Variants in IQSEC1 observed in about 807,000 individuals in gnomAD.
The protein encoded by IQSEC1 is IQ motif and SEC7 domain-containing protein 1.
Under a neutral mutation model 91.0 loss-of-function variants are expected in IQSEC1, and 31 were observed. The observed-to-expected ratio is 0.34, with a 90% CI of 0.26 to 0.46. IQSEC1 has a LOEUF of 0.46. Among genes scored for constraint, IQSEC1 ranks in the 20% least tolerant of loss-of-function variants. The pLI is 1.00. For synonymous variants in IQSEC1, 699 were observed against 662.6 expected, an observed-to-expected ratio of 1.05 and a Z score of -0.84; for missense variants, 1,388 against 1,575.6, an observed-to-expected ratio of 0.88 and a Z score of 2.02.
intron 1 of IQSEC1, among the ~76,000 whole-genome samples, chr3:13,051,480 G>C (rs146356659): frequency 1.9e-3 from 286 of 152,282 alleles, no homozygotes; most frequent in African/African-American, 6.4e-3. Context: ...CAGGGGCAGG[G>C]GCAGGGATCT....
intron 1 of IQSEC1, among the ~76,000 whole-genome samples, chr3:12,993,910 C>T (rs1193818676): frequency 6.6e-6 from 1 of 152,102 alleles, no homozygotes; most frequent in African/African-American, 2.4e-5. Flanking sequence ...CCCCGCGCGC[C>T]CCAGGTTCCC....
At chr3:13,039,388 C>T (rs1335860116) in intron 1 of IQSEC1, among the ~76,000 whole-genome samples, 1 of 152,254 alleles carries the variant, frequency 6.6e-6, no homozygotes, top group Non-Finnish European at 1.5e-5. Flanking sequence ...GAGCCTGGCA[C>T]ACCCTGTGTT....
intron 2 of IQSEC1, among the ~76,000 whole-genome samples, chr3:12,937,281 T>G (rs1219084231): frequency 1.3e-5 from 2 of 152,186 alleles, no homozygotes; most frequent in African/African-American, 2.4e-5. Context: ...GTGTCCCCAG[T>G]GTCTTGGGTC....
At chr3:12,927,757 G>A (rs978588190) in intron 3 of IQSEC1, among the ~76,000 whole-genome samples, 6 of 152,268 alleles carry the variant, frequency 3.9e-5, no homozygotes, top group African/African-American at 7.2e-5. Flanking sequence ...GGAGTAGGCC[G>A]TGGGCCCCTG....
intron 1 of IQSEC1, among the ~76,000 whole-genome samples, chr3:13,173,651 C>G (rs1693662251): frequency 6.6e-6 from 1 of 152,224 alleles, no homozygotes. Context: ...AGGACCCCAA[C>G]CCCCTGAAGA....
intron 2 of IQSEC1, among the ~76,000 whole-genome samples, chr3:13,154,818 A>C (rs1707060606): frequency 6.6e-6 from 1 of 152,060 alleles, no homozygotes; most frequent in African/African-American, 2.4e-5. Context: ...TAGAGGAAAA[A>C]CCTAAAAATT....
chr3:12,934,009 T>C (rs1316391361), intron 3 of IQSEC1, among the ~76,000 whole-genome samples: 2 of 152,194 alleles, frequency 1.3e-5, no homozygotes, highest in Non-Finnish European at 2.9e-5. Context: ...CAGCCTCCCC[T>C]CTAGGGCACA....
intron 1 of IQSEC1, among the ~76,000 whole-genome samples, chr3:13,179,525 G>C (rs1025288779): frequency 6.6e-6 from 1 of 152,268 alleles, no homozygotes; most frequent in Non-Finnish European, 1.5e-5. Flanking sequence ...AATTCTCCAA[G>C]GAGACACAAC....
At chr3:13,232,606 T>C (rs1417828162) in intron 1 of IQSEC1, among the ~76,000 whole-genome samples, 1 of 152,110 alleles carries the variant, frequency 6.6e-6, no homozygotes, top group Non-Finnish European at 1.5e-5. Context: ...GCAGGTCAGA[T>C]GTGACAGTCC....
At chr3:13,189,888 C>T (rs2125031314) in intron 1 of IQSEC1, among the ~76,000 whole-genome samples, 1 of 152,232 alleles carries the variant, frequency 6.6e-6, no homozygotes, top group East Asian at 1.9e-4. Flanking sequence ...TCATCTAGGC[C>T]AGTTGCTGGG....
chr3:12,947,164 A>T (rs956071250), intron 1 of IQSEC1, among the ~76,000 whole-genome samples: 1 of 152,230 alleles, frequency 6.6e-6, no homozygotes, highest in African/African-American at 2.4e-5. Context: ...AGCCTCTGAC[A>T]GGCTGACAAG....
chr3:13,094,009 C>T (rs1444348449), intron 2 of IQSEC1, among the ~76,000 whole-genome samples: 1 of 152,178 alleles, frequency 6.6e-6, no homozygotes, highest in Non-Finnish European at 1.5e-5. Flanking sequence ...CGGCTGGGGC[C>T]ACTGAACTAA....
At chr3:13,088,530 A>C (rs575273742) in intron 2 of IQSEC1, among the ~76,000 whole-genome samples, 1 of 151,596 alleles carries the variant, frequency 6.6e-6, no homozygotes, top group Non-Finnish European at 1.5e-5. Context: ...CGCTCCTCTG[A>C]ATGGCCTTAG....
chr3:12,915,235 C>T, intron 7 of IQSEC1, 102 bp from the exon 8 acceptor site: 1 of 1,303,684 alleles, frequency 7.7e-7, no homozygotes, highest in Non-Finnish European at 1.1e-6. Context: ...TTGGGATCCA[C>T]CCAGCCAGTA....
chr3:13,183,943 G>T (rs1014803382), intron 1 of IQSEC1, among the ~76,000 whole-genome samples: 2 of 152,178 alleles, frequency 1.3e-5, no homozygotes, highest in Non-Finnish European at 2.9e-5. Context: ...GATACAAACT[G>T]TCAAAGTTCA....
intron 1 of IQSEC1, among the ~76,000 whole-genome samples, chr3:13,068,513 C>T (rs535262172): frequency 6.6e-6 from 1 of 152,296 alleles, no homozygotes; most frequent in South Asian, 2.1e-4. Context: ...GGTTGGGAGG[C>T]CCCAATGCAG....
chr3:13,031,929 T>A (rs1343149769), intron 1 of IQSEC1, among the ~76,000 whole-genome samples: 1 of 152,060 alleles, frequency 6.6e-6, no homozygotes, highest in Non-Finnish European at 1.5e-5. Flanking sequence ...CTCAGCAACC[T>A]CTGGCTCTGT....
Position 12,898,476 on chromosome 3 carries a change from G to A in IQSEC1, c.*2507C>T, listed in dbSNP as rs1182111311. 3 of 152,246 alleles carry A rather than the reference G, an allele frequency of 2.0e-5. No homozygotes were observed. Among genetic ancestry groups the A allele is most frequent in the South Asian group, 4.1e-4 (2 of 4,832 alleles). The allele number at this position is 152,246 out of a possible 1,614,324, so 9.4% of individuals were successfully genotyped here. A position where few individuals can be genotyped will look rare whatever the true frequency, so the allele number is the denominator to read the frequency against. ...GCCCAGCACAGCTCCAGGACACACC[G>A]AGGACAGTGCCACAGGCTGGCAGCC... On this transcript the variant is annotated 3_prime_UTR_variant, in exon 14 of 14. Transcript: ENST00000613206.
At chr3:13,080,748 TG>T (rs1576240981) in intron 2 of IQSEC1, among the ~76,000 whole-genome samples, 3 of 152,298 alleles carry the variant, frequency 2.0e-5, no homozygotes, top group Admixed American at 6.5e-5. Context: ...GCCTGGGAAC[TG>T]GGCTGTGCTC....
Sources: allele counts gnomAD v4.1 joint callset (sites outside exome capture counted in the v4.1 genomes callset), GRCh38; gene constraint gnomAD v4.1.1; transcripts MANE v1.5; gene names NCBI Gene and HGNC (gene_info 2026-07-23, HGNC 2026-07-21).